CTNNA2: variants seen among roughly 807,000 people sequenced by gnomAD.
CTNNA2 encodes the protein catenin alpha 2, also known as catenin alpha-2.
Under a neutral mutation model 101.0 loss-of-function variants are expected in CTNNA2, and 42 were observed. The ratio of observed to expected loss-of-function variants is 0.42; its 90% CI spans 0.32 to 0.54. CTNNA2 has a LOEUF of 0.54. CTNNA2 is among the 20% of genes least tolerant of loss of function. The pLI is 0.14. For missense variants in CTNNA2, 871 were observed against 1,223.1 expected (o/e 0.71, Z 4.29); for synonymous variants, 450 against 456.4 (o/e 0.99, Z 0.18).
At chr2:80,408,924 G>A (rs1026467524) in intron 8 of CTNNA2, among the ~76,000 whole-genome samples, 1 of 151,980 alleles carries the variant, frequency 6.6e-6, no homozygotes, top group African/African-American at 2.4e-5. Context: ...CACAAATAAC[G>A]ATGCTCACCC....
chr2:80,493,577 T>A (rs1228584534), intron 9 of CTNNA2, among the ~76,000 whole-genome samples: 3 of 152,156 alleles, frequency 2.0e-5, no homozygotes, highest in Non-Finnish European at 4.4e-5. Flanking sequence ...CTTTTTTGAG[T>A]CCTTAGTGAA....
At chr2:80,088,526 A>C (rs1699585980) in intron 7 of CTNNA2, among the ~76,000 whole-genome samples, 1 of 152,096 alleles carries the variant, frequency 6.6e-6, no homozygotes, top group Non-Finnish European at 1.5e-5. Flanking sequence ...TTATTCAACA[A>C]GTCTATAATG....
intron 7 of CTNNA2, among the ~76,000 whole-genome samples, chr2:80,264,798 G>A (rs1035228325): frequency 6.6e-6 from 1 of 152,102 alleles, no homozygotes; most frequent in Non-Finnish European, 1.5e-5. Context: ...CAATATTAAT[G>A]GGGGCAGCAA....
chr2:79,848,072 G>C (rs1397295141), intron 3 of CTNNA2, among the ~76,000 whole-genome samples: 1 of 152,152 alleles, frequency 6.6e-6, no homozygotes, highest in Non-Finnish European at 1.5e-5. Flanking sequence ...ATATAAATAA[G>C]TCAGCAGCAT....
At chr2:79,429,782 A>C (rs545217235) in intron 4 of CTNNA2, among the ~76,000 whole-genome samples, 6 of 152,288 alleles carry the variant, frequency 3.9e-5, no homozygotes, top group African/African-American at 1.4e-4. Flanking sequence ...AAAATAATTA[A>C]ATAATAATCC....
chr2:79,249,448 A>T (rs1399762187), intron 2 of CTNNA2, among the ~76,000 whole-genome samples: 1 of 152,100 alleles, frequency 6.6e-6, no homozygotes, highest in Admixed American at 6.6e-5. Context: ...CAAATTATAT[A>T]CTCTAATGAC....
Position 79,744,506 on chromosome 2 carries a change from G to C in CTNNA2, c.222G>C (p.Lys74Asn). Residue 74 changes from lysine (K) to asparagine (N), a missense_variant, in exon 3 of 19, where the codon AAG becomes AAC. Physicochemically the swap from Lys to Asn is moderately conservative, Grantham distance 94. Around this residue, in one of 5 missense-constraint regions of CTNNA2, gnomAD observed 647 missense variants for 831.5 expected, o/e 0.78. Coordinates refer to ENST00000402739, the MANE Select transcript of CTNNA2 (RefSeq NM_001282597.3). Reference sequence around the variant, plus strand: ...AAGCCACTCAGAATTTCCTGGAAAAGGGTGAACAGATCGCTAAGGAGAGTC... The same window carrying C: ...AAGCCACTCAGAATTTCCTGGAAAACGGTGAACAGATCGCTAAGGAGAGTC... ...VEQATQNFLEKGEQIAKESQD... is the reference protein window; with the variant it reads ...VEQATQNFLENGEQIAKESQD... 1 of 1,614,030 alleles carries C rather than the reference G, an allele frequency of 6.2e-7. No individual in the cohort carries two copies. The highest frequency in any genetic ancestry group is 1.6e-4 in the Middle Eastern group (1 of 6,062).
At chr2:80,181,379 G>A (rs1000396599) in intron 7 of CTNNA2, among the ~76,000 whole-genome samples, 2 of 152,186 alleles carry the variant, frequency 1.3e-5, no homozygotes, top group East Asian at 1.9e-4. Context: ...TTAGGAGTTC[G>A]GTGCCCACAG....
At chr2:79,687,465 A>G in intron 2 of CTNNA2, 1 of 509,748 alleles carries the variant, frequency 2.0e-6, no homozygotes. Context: ...TTGTACCTTC[A>G]GATAATTTTG....
intron 2 of CTNNA2, among the ~76,000 whole-genome samples, chr2:79,696,482 C>T (rs1001424292): frequency 2.0e-5 from 3 of 151,956 alleles, no homozygotes; most frequent in African/African-American, 4.8e-5. Context: ...AAAATGTTTA[C>T]GGTTGGCATG....
intron 18 of CTNNA2, 152 bp from the exon 19 acceptor site, chr2:80,647,433 T>G (rs900158309): frequency 1.5e-6 from 1 of 651,680 alleles, no homozygotes; most frequent in African/African-American, 1.8e-5. Context: ...ATTGAGATTT[T>G]AAAAACCTTA....
chr2:80,064,549 C>G (rs1697840752), intron 7 of CTNNA2, among the ~76,000 whole-genome samples: 1 of 152,170 alleles, frequency 6.6e-6, no homozygotes, highest in Admixed American at 6.5e-5. Context: ...TCTTGAAGCT[C>G]CAAGTAGCTG....
chr2:80,132,456 G>A (rs567920182), intron 7 of CTNNA2, among the ~76,000 whole-genome samples: 186 of 152,240 alleles, frequency 1.2e-3, no homozygotes, highest in African/African-American at 4.2e-3. Context: ...CATAAAATCC[G>A]AGTACGTGTT....
chr2:79,676,071 G>C (rs1343523566), intron 2 of CTNNA2, among the ~76,000 whole-genome samples: 2 of 152,206 alleles, frequency 1.3e-5, no homozygotes, highest in African/African-American at 2.4e-5. Flanking sequence ...CCAGCTCTTG[G>C]TGCATGCAGG....
At chr2:79,802,565 G>C (rs1367329733) in intron 3 of CTNNA2, among the ~76,000 whole-genome samples, 2 of 152,170 alleles carry the variant, frequency 1.3e-5, no homozygotes, top group Non-Finnish European at 2.9e-5. Flanking sequence ...TGGATTACGG[G>C]CCTTTTCCTA....
intron 7 of CTNNA2, among the ~76,000 whole-genome samples, chr2:80,105,246 G>A (rs563804576): frequency 3.9e-5 from 6 of 152,130 alleles, no homozygotes; most frequent in Middle Eastern, 3.2e-3. Flanking sequence ...AGGCCTACAC[G>A]TGACAGGCCA....
In CTNNA2 at chr2:79,950,419, A is replaced by G. The variant is rs1019756087; in HGVS notation, c.1056+40622A>G. Among the ~76,000 whole-genome samples the G allele has an allele frequency of 2.6e-5, 4 of 152,222 alleles. No individual in the cohort carries two copies. In the South Asian group the frequency reaches 8.3e-4, roughly 32 times the overall value. On this transcript the variant is annotated intron_variant, in intron 7 of 18. Coordinates refer to ENST00000402739, the MANE Select transcript of CTNNA2 (RefSeq NM_001282597.3). ...AATTTGCATCACTTAAAATCCAATC[A>G]GGCCAACTGTTCAGATTTTTGTTAG...
intron 7 of CTNNA2, among the ~76,000 whole-genome samples, chr2:80,126,088 C>G (rs189759071): frequency 1.8e-3 from 279 of 152,246 alleles, no homozygotes; most frequent in Admixed American, 3.7e-3. Flanking sequence ...GATTTTTGCC[C>G]TGTGTAGAGT....
rs560343880 is a variant in CTNNA2, at chr2:79,607,978, G to GT, written c.-5-43565dup. Among the ~76,000 whole-genome samples the GT allele has an allele frequency of 4.6e-3, 694 of 150,772 alleles. 7 individuals carry two copies. Among genetic ancestry groups the GT allele is most frequent in the Non-Finnish European group, 7.4e-3 (500 of 67,608 alleles). ...AAATCAGTGAAAACAAAGGCAGGTTGTTTTTTTTTAATTAAATCTGATAAA... is the reference window on the plus strand; with the variant it reads ...AAATCAGTGAAAACAAAGGCAGGTTGTTTTTTTTTTAATTAAATCTGATAAA... On this transcript the variant is annotated intron_variant, in intron 1 of 18. Coordinates refer to ENST00000402739, the MANE Select transcript of CTNNA2 (RefSeq NM_001282597.3).
Sources: gnomAD v4.1 joint callset for allele counts (sites outside exome capture counted in the v4.1 genomes callset) on GRCh38, gnomAD v4.1.1 for gene constraint, gnomAD v4.1.1 regional missense constraint, MANE v1.5 for transcripts, NCBI Gene and HGNC (gene_info 2026-07-23, HGNC 2026-07-21) for gene names.